The following STXBP4 variants were observed in gnomAD, a reference collection of about 807,000 sequenced individuals.
STXBP4 encodes syntaxin binding protein 4, also known as syntaxin-binding protein 4.
Under a neutral mutation model 76.1 loss-of-function variants are expected in STXBP4, and 55 were observed. That is an observed-to-expected ratio of 0.72 (90% CI 0.58 to 0.91). The LOEUF (loss-of-function observed/expected upper bound fraction) is 0.91, where lower values mean the gene tolerates loss of function less well. STXBP4 is among the 40% of genes least tolerant of loss of function. STXBP4 has a pLI of 0.00. For synonymous variants in STXBP4, 201 were observed against 220.2 expected (o/e 0.91, Z 0.77); for missense variants, 618 against 636.9 (o/e 0.97, Z 0.32).
the STXBP4 span, among the ~76,000 whole-genome samples, chr17:55,200,339 C>T: frequency 6.6e-6 from 1 of 152,188 alleles, no homozygotes; most frequent in African/African-American, 2.4e-5. Context: ...TTCTCAGTCA[C>T]AGCTAATGAA....
At chr17:55,104,227 G>A (rs1402690975) in intron 16 of STXBP4, among the ~76,000 whole-genome samples, 1 of 152,142 alleles carries the variant, frequency 6.6e-6, no homozygotes, top group African/African-American at 2.4e-5. Flanking sequence ...AATGCTTCCA[G>A]CTTTTGCCCA....
At chr17:55,143,449 G>A (rs2080115980) in intron 17 of STXBP4, among the ~76,000 whole-genome samples, 1 of 152,114 alleles carries the variant, frequency 6.6e-6, no homozygotes, top group Admixed American at 6.5e-5. Context: ...TCTAACTAGT[G>A]CCTTAAGAGA....
intron 8 of STXBP4, among the ~76,000 whole-genome samples, chr17:55,021,182 C>A (rs1436043674): frequency 6.6e-6 from 1 of 151,992 alleles, no homozygotes; most frequent in Admixed American, 6.6e-5. Context: ...TGCATTAGGC[C>A]CTAGGTGCTT....
At chr17:55,093,178 A>ACT (rs1190699596) in intron 16 of STXBP4, among the ~76,000 whole-genome samples, 6 of 151,980 alleles carry the variant, frequency 3.9e-5, no homozygotes. Flanking sequence ...TATTCTTAGT[A>ACT]GAGATGGGTT....
At chr17:55,190,394 G>A in the STXBP4 span, among the ~76,000 whole-genome samples, 2 of 152,074 alleles carry the variant, frequency 1.3e-5, no homozygotes, top group African/African-American at 2.4e-5. Context: ...AGAAAGATTC[G>A]TTGATGCTAA....
intron 12 of STXBP4, among the ~76,000 whole-genome samples, chr17:55,057,655 G>T (rs541932173): frequency 2.8e-4 from 43 of 152,170 alleles, no homozygotes; most frequent in Admixed American, 9.8e-4. Context: ...CGACATCTAG[G>T]TTTTAAGCCT....
In STXBP4 at chr17:55,161,347, G is replaced by A. The variant is rs568627184; in HGVS notation, c.*1436G>A. 1 of 152,192 alleles carries A rather than the reference G, an allele frequency of 6.6e-6. No homozygotes were observed. Among genetic ancestry groups the A allele is most frequent in the Non-Finnish European group, 1.5e-5 (1 of 68,036 alleles). 9.4% of individuals were successfully genotyped at this position (152,192 alleles called of 1,614,324 possible). The stretch of plus-strand genomic sequence containing the variant: ...CTTGTGTTTTGCCTGACAGCCATTT[G>A]AATGTTAGGAAGCTTCGGGGAGACA... On this transcript the variant is annotated 3_prime_UTR_variant, in exon 18 of 18. Transcript: ENST00000376352.
At position 55,011,503 on chromosome 17, in the gene STXBP4, T is replaced by TTTCTC. The variant is rs1491020966; in HGVS notation, c.666+3908_666+3909insCTCTT. 2.6e-3 allele frequency among the ~76,000 whole-genome samples: 288 copies of TTTCTC among 110,950 alleles called. 8 individuals are homozygous for TTTCTC. Among genetic ancestry groups the TTTCTC allele is most frequent in the Middle Eastern group, 0.025 (6 of 242 alleles). The allele number at this position is 110,950 out of a possible 152,430, so 72.8% of individuals were successfully genotyped here. A position where few individuals can be genotyped will look rare whatever the true frequency, so the allele number is the denominator to read the frequency against. On this transcript the variant is annotated intron_variant, in intron 8 of 17. Transcript: ENST00000376352. The stretch of plus-strand genomic sequence containing the variant: ...TTGTGGGATCAAAGAGTTTATTTTC[T>TTTCTC]TTTTCTTTTTTTTTTTTTTTTTGCA...
intron 16 of STXBP4, among the ~76,000 whole-genome samples, chr17:55,129,516 C>T (rs2079951540): frequency 6.6e-6 from 1 of 151,850 alleles, no homozygotes. Context: ...TCCCTTGAGC[C>T]CAGGAGTTTG....
the STXBP4 span, among the ~76,000 whole-genome samples, chr17:55,208,313 G>A: frequency 6.6e-6 from 1 of 152,022 alleles, no homozygotes; most frequent in African/African-American, 2.4e-5. Flanking sequence ...ACTGTGAACT[G>A]CTTTTGTGCA....
chr17:55,174,109 G>A (rs1026585771), downstream of STXBP4, among the ~76,000 whole-genome samples: 2 of 152,162 alleles, frequency 1.3e-5, no homozygotes, highest in Non-Finnish European at 2.9e-5. Flanking sequence ...ATAAAATTCA[G>A]GATAATTTCA....
the STXBP4 span, among the ~76,000 whole-genome samples, chr17:55,202,842 T>C: frequency 2.0e-5 from 3 of 152,140 alleles, no homozygotes; most frequent in Non-Finnish European, 2.9e-5. Context: ...TGCTTCAAGG[T>C]TGTTCAATCT....
chr17:55,132,154 A>C (rs2170942), intron 16 of STXBP4, among the ~76,000 whole-genome samples: 98,320 of 151,774 alleles, frequency 0.65, 32,925 homozygotes, highest in African/African-American at 0.83. Flanking sequence ...GCAAATATTT[A>C]AGCATATTCT....
At chr17:55,133,899 A>ATTTTTGTAAGG (rs959335063) in intron 16 of STXBP4, among the ~76,000 whole-genome samples, 5 of 152,226 alleles carry the variant, frequency 3.3e-5, no homozygotes, top group Non-Finnish European at 5.9e-5. Context: ...AGACAAATCC[A>ATTTTTGTAAGG]TTTTTGTAAG....
intron 16 of STXBP4, among the ~76,000 whole-genome samples, chr17:55,092,704 A>G (rs2079430990): frequency 6.6e-6 from 1 of 152,202 alleles, no homozygotes; most frequent in African/African-American, 2.4e-5. Flanking sequence ...TTTCTGTTAC[A>G]TCTGAAGCTA....
rs141581823 is a variant in STXBP4, at chr17:55,155,095, C to T, written c.1548-4702C>T. The stretch of plus-strand genomic sequence containing the variant: ...TGAGAAATATTTATTTTGATTTTAG[C>T]GGCATATTTCCAAAATTATGTAAGA... On this transcript the variant is annotated intron_variant, in intron 17 of 17. Transcript: ENST00000376352. Among the ~76,000 whole-genome samples, 499 of 152,134 alleles carry T rather than the reference C, an allele frequency of 3.3e-3. 1 individual carries two copies. The highest frequency in any genetic ancestry group is 0.012 in the African/African-American group (483 of 41,536).
downstream of STXBP4, among the ~76,000 whole-genome samples, chr17:55,177,571 A>G (rs1330255396): frequency 1.3e-5 from 2 of 152,336 alleles, no homozygotes; most frequent in Non-Finnish European, 1.5e-5. Context: ...TGGAGAAGGA[A>G]GCACACCAGA....
At chr17:55,100,980 A>G (rs2787504) in intron 16 of STXBP4, among the ~76,000 whole-genome samples, 55,008 of 152,036 alleles carry the variant, frequency 0.36, 10,816 homozygotes, top group East Asian at 0.54. Flanking sequence ...AGATGAGACC[A>G]CAGCCATGCT....
intron 8 of STXBP4, among the ~76,000 whole-genome samples, chr17:55,030,473 G>T (rs577500869): frequency 6.6e-6 from 1 of 152,182 alleles, no homozygotes; most frequent in Non-Finnish European, 1.5e-5. Flanking sequence ...GCCGCATGGA[G>T]ATGTACAAGG....
Sources: gnomAD v4.1 joint callset for allele counts (sites outside exome capture counted in the v4.1 genomes callset) on GRCh38, gnomAD v4.1.1 for gene constraint, MANE v1.5 for transcripts, NCBI Gene and HGNC (gene_info 2026-07-23, HGNC 2026-07-21) for gene names.